Variants in MBOAT2 observed in about 807,000 individuals in gnomAD.
The protein encoded by MBOAT2 is membrane-bound glycerophospholipid O-acyltransferase 2.
A neutral mutation model predicts 63.4 loss-of-function variants in MBOAT2; 28 were observed. The ratio of observed to expected loss-of-function variants is 0.44; its 90% confidence interval spans 0.33 to 0.61. MBOAT2 has a LOEUF of 0.61. MBOAT2 is among the 20% of genes least tolerant of loss of function. The pLI is 0.03. For synonymous variants in MBOAT2, 211 were observed against 215.6 expected (o/e 0.98, Z 0.19); for missense variants, 470 against 605.8 (o/e 0.78, Z 2.35).
At chr2:8,971,031 C>T (rs1334907084) in intron 1 of MBOAT2, among the ~76,000 whole-genome samples, 1 of 152,188 alleles carries the variant, frequency 6.6e-6, no homozygotes, top group African/African-American at 2.4e-5. Context: ...CCAGGATCAT[C>T]CTGATACCAA....
At chr2:8,940,223 A>G (rs1667954613) in intron 3 of MBOAT2, among the ~76,000 whole-genome samples, 1 of 152,140 alleles carries the variant, frequency 6.6e-6, no homozygotes, top group Non-Finnish European at 1.5e-5. Context: ...CGGATATACT[A>G]AGGCATAAAA....
chr2:8,980,566 T>A (rs1267753456), intron 1 of MBOAT2, among the ~76,000 whole-genome samples: 1 of 152,034 alleles, frequency 6.6e-6, no homozygotes, highest in Non-Finnish European at 1.5e-5. Flanking sequence ...GTGGAAAAGG[T>A]TCAGAGCCCA....
intron 2 of MBOAT2, among the ~76,000 whole-genome samples, chr2:8,943,965 G>A (rs199640021): frequency 1.3e-5 from 2 of 152,160 alleles, no homozygotes; most frequent in Admixed American, 6.5e-5. Context: ...CCAGGTTCAA[G>A]TGATTCTCCT....
At chr2:8,896,796 C>T (rs1265710930) in intron 4 of MBOAT2, among the ~76,000 whole-genome samples, 3 of 152,188 alleles carry the variant, frequency 2.0e-5, no homozygotes, top group African/African-American at 7.2e-5. Context: ...TTACTGAATA[C>T]CCATTGTGTC....
At chr2:8,870,630 C>A (rs557643707) in intron 8 of MBOAT2, among the ~76,000 whole-genome samples, 1 of 152,204 alleles carries the variant, frequency 6.6e-6, no homozygotes, top group South Asian at 2.1e-4. Context: ...GGCTTCTCCA[C>A]TGACAGAGTT....
At chr2:8,978,663 G>A (rs1292681186) in intron 1 of MBOAT2, among the ~76,000 whole-genome samples, 4 of 152,080 alleles carry the variant, frequency 2.6e-5, no homozygotes, top group South Asian at 4.1e-4. Context: ...GGGCCAGTCA[G>A]GGGGTGGGGA....
rs1477107237 is a variant in MBOAT2, at chr2:8,856,030, T to C, written c.*2649A>G. 6.6e-6 allele frequency: 1 copy of C among 152,190 alleles called. No homozygotes were observed. Among genetic ancestry groups the C allele is most frequent in the Non-Finnish European group, 1.5e-5 (1 of 68,028 alleles). 9.4% of individuals were successfully genotyped at this position (152,190 alleles called of 1,614,324 possible). ...AGAAGCAAAATATTAATCTTTGTGATTATTACTTCTCCAAACTAGAGGAGA... is the reference window on the plus strand; with the variant it reads ...AGAAGCAAAATATTAATCTTTGTGACTATTACTTCTCCAAACTAGAGGAGA... On this transcript the variant is annotated 3_prime_UTR_variant, in exon 13 of 13. Transcript: ENST00000305997. This position sits in a 1 kb window ranked among gnomAD's most constrained non-coding sequence, Gnocchi z 4.2.
At chr2:8,912,766 C>T (rs1259632236) in intron 3 of MBOAT2, among the ~76,000 whole-genome samples, 1 of 152,104 alleles carries the variant, frequency 6.6e-6, no homozygotes, top group Non-Finnish European at 1.5e-5. Context: ...TGACCATACT[C>T]CAAAAGCAAT....
Position 8,945,202 on chromosome 2 carries a change from G to C in MBOAT2, c.222-1938C>G, listed in dbSNP as rs550104962. 3.9e-5 allele frequency among the ~76,000 whole-genome samples: 6 copies of C among 152,218 alleles called. No individual in the cohort carries two copies. The South Asian group carries it at 1.0e-3, about 26-fold the overall frequency. Reference sequence around the variant, plus strand: ...GCAGCCTCCTGCTGTGTAAACCTTCGTTGCTGCAACAATCCAAGTTCAGCA... The same window carrying C: ...GCAGCCTCCTGCTGTGTAAACCTTCCTTGCTGCAACAATCCAAGTTCAGCA... On this transcript the variant is annotated intron_variant, in intron 2 of 12. Transcript: ENST00000305997.
intron 5 of MBOAT2, 146 bp downstream of exon 5, chr2:8,887,872 A>T (rs1464774047): frequency 5.3e-6 from 4 of 754,626 alleles, no homozygotes; most frequent in Non-Finnish European, 9.1e-6. Context: ...CATTTTTCAT[A>T]ATCCTAAGCA....
chr2:8,887,830 G>A (rs1346759722), intron 5 of MBOAT2, among the ~76,000 whole-genome samples, 188 bp downstream of exon 5: 1 of 152,100 alleles, frequency 6.6e-6, no homozygotes, highest in Non-Finnish European at 1.5e-5. Context: ...TCAAAACGAA[G>A]ATAAAACACT....
At chr2:8,922,575 T>C (rs1413070168) in intron 3 of MBOAT2, among the ~76,000 whole-genome samples, 1 of 152,190 alleles carries the variant, frequency 6.6e-6, no homozygotes, top group African/African-American at 2.4e-5. Context: ...CAGTGTTGCT[T>C]TTTAGCCTCA....
At chr2:8,962,615 G>C (rs889503706) in intron 1 of MBOAT2, among the ~76,000 whole-genome samples, 1 of 152,140 alleles carries the variant, frequency 6.6e-6, no homozygotes, top group Admixed American at 6.5e-5. Flanking sequence ...TTGGTGGTTT[G>C]AGCCTGTGAG....
At chr2:8,944,648 GACACACAC>G (rs61107364) in intron 2 of MBOAT2, among the ~76,000 whole-genome samples, 48 of 140,214 alleles carry the variant, frequency 3.4e-4, no homozygotes, top group African/African-American at 1.2e-3. Flanking sequence ...CTGTTTGACT[GACACACAC>G]ACACACACAC....
rs897662789 is a variant in MBOAT2 at position 8,856,764 on chromosome 2, A to C, written c.*1915T>G. ...GAGACGGGGATTCACCACGTTGGCC[A>C]GGCTGGTCTCCAACTCCTGACCTCA... is the stretch of plus-strand genomic sequence containing the variant. On this transcript the variant is annotated 3_prime_UTR_variant, in exon 13 of 13. Coordinates refer to ENST00000305997, the MANE Select transcript of MBOAT2 (RefSeq NM_138799.4). This position sits in a 1 kb window ranked among gnomAD's most constrained non-coding sequence, Gnocchi z 4.2. The C allele has an allele frequency of 3.9e-5, 6 of 152,268 alleles. No individual in the cohort carries two copies. Among genetic ancestry groups the C allele is most frequent in the African/African-American group, 1.2e-4 (5 of 41,506 alleles). The allele number at this position is 152,268 out of a possible 1,614,324, so 9.4% of individuals were successfully genotyped here. A position where few individuals can be genotyped will look rare whatever the true frequency, so the allele number is the denominator to read the frequency against.
At chr2:8,961,929 C>T (rs74616713) in intron 1 of MBOAT2, among the ~76,000 whole-genome samples, 2 of 152,110 alleles carry the variant, frequency 1.3e-5, no homozygotes, top group Non-Finnish European at 2.9e-5. Context: ...GCCATACTCC[C>T]TACAGCCTGT....
chr2:8,890,380 G>GT (rs961916007), intron 4 of MBOAT2, among the ~76,000 whole-genome samples: 40 of 151,744 alleles, frequency 2.6e-4, no homozygotes, highest in African/African-American at 8.2e-4. Flanking sequence ...ATTCATAGTT[G>GT]TTTTTTTTAT....
intron 1 of MBOAT2, among the ~76,000 whole-genome samples, chr2:9,002,021 C>A (rs1186238706): frequency 6.6e-6 from 1 of 152,146 alleles, no homozygotes; most frequent in Admixed American, 6.5e-5. Context: ...CTATTTAAGG[C>A]AGGAGTGTGA....
At chr2:8,952,293 T>C (rs1668892139) in intron 2 of MBOAT2, among the ~76,000 whole-genome samples, 1 of 152,212 alleles carries the variant, frequency 6.6e-6, no homozygotes, top group African/African-American at 2.4e-5. Context: ...ATAGATAGTA[T>C]GATTTCAGTT....
Sources: allele counts gnomAD v4.1 joint callset (sites outside exome capture counted in the v4.1 genomes callset), GRCh38; gene constraint gnomAD v4.1.1; non-coding constraint Gnocchi (gnomAD v3.1); transcripts MANE v1.5; gene names NCBI Gene and HGNC (gene_info 2026-07-23, HGNC 2026-07-21).